Variants in CHMP2B observed in about 807,000 individuals in gnomAD.
CHMP2B encodes VPS2 homolog B.
Under a neutral mutation model 29.8 loss-of-function variants are expected in CHMP2B, and 22 were observed. That is an observed-to-expected ratio of 0.74 (90% CI 0.53 to 1.05). CHMP2B has a LOEUF of 1.05. Ranked by LOEUF, CHMP2B falls within the 50% of genes least tolerant of loss-of-function variation. The pLI is 0.00. For synonymous variants in CHMP2B, 78 were observed against 75.8 expected (o/e 1.03, Z -0.15); for missense variants, 261 against 252.2 (o/e 1.03, Z -0.24).
intron 4 of CHMP2B, among the ~76,000 whole-genome samples, chr3:87,252,581 T>C (rs1220653846): frequency 1.3e-5 from 2 of 151,918 alleles, no homozygotes; most frequent in East Asian, 3.9e-4. Flanking sequence ...GTGATCTCCT[T>C]CTCTGAAACT....
At chr3:87,227,832 A>G (rs1004838809) in intron 1 of CHMP2B, among the ~76,000 whole-genome samples, 1 of 152,192 alleles carries the variant, frequency 6.6e-6, no homozygotes, top group Non-Finnish European at 1.5e-5. Context: ...CGAGGAGGCT[A>G]GCTGGCCCTT....
At chr3:87,231,951 A>G (rs756868070) in intron 1 of CHMP2B, among the ~76,000 whole-genome samples, 9 of 152,162 alleles carry the variant, frequency 5.9e-5, no homozygotes, top group Non-Finnish European at 1.3e-4. Context: ...TGTCTCTTCT[A>G]CATTCCATAT....
At chr3:87,230,075 G>A (rs929915051) in intron 1 of CHMP2B, among the ~76,000 whole-genome samples, 6 of 152,102 alleles carry the variant, frequency 3.9e-5, no homozygotes, top group African/African-American at 1.4e-4. Flanking sequence ...TATATATAGT[G>A]TGTTATGTTT....
At chr3:87,237,047 T>A (rs905392546) in intron 1 of CHMP2B, among the ~76,000 whole-genome samples, 4 of 152,154 alleles carry the variant, frequency 2.6e-5, no homozygotes, top group African/African-American at 4.8e-5. Context: ...TATCAGTCCA[T>A]TGGCTTTGAC....
At chr3:87,242,127 A>G (rs1706128813) in intron 2 of CHMP2B, among the ~76,000 whole-genome samples, 2 of 151,984 alleles carry the variant, frequency 1.3e-5, no homozygotes, top group South Asian at 2.1e-4. Flanking sequence ...TATTTTACCC[A>G]TTTTTTCATC....
intron 1 of CHMP2B, among the ~76,000 whole-genome samples, chr3:87,234,161 A>C (rs1028932349): frequency 4.6e-5 from 7 of 152,202 alleles, no homozygotes; most frequent in African/African-American, 1.7e-4. Flanking sequence ...TCAAATGTAC[A>C]AATTATATCT....
chr3:87,244,234 A>C (rs1351087390), intron 2 of CHMP2B, among the ~76,000 whole-genome samples: 1 of 150,870 alleles, frequency 6.6e-6, no homozygotes, highest in Admixed American at 6.6e-5. Flanking sequence ...TTTAGTAGAG[A>C]GGGGTTTCAC....
intron 1 of CHMP2B, among the ~76,000 whole-genome samples, chr3:87,229,438 CATACTTGATGT>C (rs71128191): frequency 0.49 from 73,498 of 151,532 alleles, 18,039 homozygotes; most frequent in African/African-American, 0.53. Flanking sequence ...TACCAAGATG[CATACTTGATGT>C]TTTCTTATAT....
In CHMP2B at chr3:87,238,584, T is replaced by C. The variant is rs79383937; in HGVS notation, c.35-2115T>C. ...ACCCTTTCTATCTGGCATCTTCGCT[T>C]ACCATAATGTTTTTGAGGTTCACGC... On this transcript the variant is annotated intron_variant, in intron 1 of 5. Coordinates refer to ENST00000263780, the MANE Select transcript of CHMP2B (RefSeq NM_014043.4). 7.2e-3 allele frequency among the ~76,000 whole-genome samples: 1,094 copies of C among 152,342 alleles called. 5 individuals are homozygous for C. The highest frequency in any genetic ancestry group is 0.01 in the Middle Eastern group (3 of 294).
intron 4 of CHMP2B, 56 bp downstream of exon 4, chr3:87,250,033 T>C: frequency 9.7e-7 from 1 of 1,035,886 alleles, no homozygotes; most frequent in Non-Finnish European, 1.5e-6. Context: ...GAATTAGCCA[T>C]TTATTTACTA....
intron 1 of CHMP2B, among the ~76,000 whole-genome samples, chr3:87,239,148 A>T (rs1706069335): frequency 6.6e-6 from 1 of 151,952 alleles, no homozygotes; most frequent in African/African-American, 2.4e-5. Context: ...AGTTATAAGA[A>T]TTTTTTATAT....
At chr3:87,236,748 G>A (rs910944078) in intron 1 of CHMP2B, among the ~76,000 whole-genome samples, 2 of 151,822 alleles carry the variant, frequency 1.3e-5, no homozygotes, top group Non-Finnish European at 2.9e-5. Flanking sequence ...TGTAATCTCA[G>A]CTACTTGGGA....
intron 1 of CHMP2B, among the ~76,000 whole-genome samples, chr3:87,235,824 G>T (rs1187464987): frequency 6.6e-6 from 1 of 152,194 alleles, no homozygotes; most frequent in Non-Finnish European, 1.5e-5. Flanking sequence ...CCCTACTTCA[G>T]ATGCCACTTG....
chr3:87,243,842 C>A lies in CHMP2B; in HGVS notation c.127-1872C>A, dbSNP rs1004352222. Among the ~76,000 whole-genome samples the A allele has an allele frequency of 4.0e-5, 6 of 151,680 alleles. No individual in the cohort carries two copies. The East Asian group carries it at 5.8e-4, about 15-fold the overall frequency. The stretch of plus-strand genomic sequence containing the variant: ...AAGAAGTGATGCCCTTCTTTGCATT[C>A]TCGGTATTTGTAACTGTGTTCTCTC... On this transcript the variant is annotated intron_variant, in intron 2 of 5. Transcript: ENST00000263780.
At chr3:87,240,825 A>G in intron 2 of CHMP2B, 35 bp downstream of exon 2, 1 of 1,540,062 alleles carries the variant, frequency 6.5e-7, no homozygotes, top group Non-Finnish European at 9.0e-7. Flanking sequence ...TTAACTTTTC[A>G]AACAAATTTG....
In CHMP2B at chr3:87,237,665, T is replaced by C. The variant is rs1706040126; in HGVS notation, c.35-3034T>C. 2.6e-5 allele frequency among the ~76,000 whole-genome samples: 4 copies of C among 152,216 alleles called. No individual in the cohort carries two copies. In the South Asian group the frequency reaches 6.2e-4, roughly 24 times the overall value. ...AATACGTTTGGTCAATAATCTATGATAGGTTCTTCATTTAAGGATTGACAA... is the reference window on the plus strand; with the variant it reads ...AATACGTTTGGTCAATAATCTATGACAGGTTCTTCATTTAAGGATTGACAA... On this transcript the variant is annotated intron_variant, in intron 1 of 5. Coordinates refer to ENST00000263780, the MANE Select transcript of CHMP2B (RefSeq NM_014043.4).
At chr3:87,238,069 A>G (rs1395363907) in intron 1 of CHMP2B, among the ~76,000 whole-genome samples, 1 of 152,232 alleles carries the variant, frequency 6.6e-6, no homozygotes, top group East Asian at 1.9e-4. Context: ...GAGCTTTGAC[A>G]TCTTATTTTA....
chr3:87,236,738 T>C, intron 1 of CHMP2B, among the ~76,000 whole-genome samples: 1 of 151,740 alleles, frequency 6.6e-6, no homozygotes, highest in Non-Finnish European at 1.5e-5. Context: ...GGCGCATGCC[T>C]GTAATCTCAG....
chr3:87,249,162 G>GT (rs1672858837), intron 3 of CHMP2B, among the ~76,000 whole-genome samples: 2 of 152,206 alleles, frequency 1.3e-5, no homozygotes, highest in African/African-American at 4.8e-5. Context: ...TAACATAATG[G>GT]TTTAAGTACC....
Sources: allele counts gnomAD v4.1 joint callset (sites outside exome capture counted in the v4.1 genomes callset), GRCh38; gene constraint gnomAD v4.1.1; transcripts MANE v1.5; gene names NCBI Gene and HGNC (gene_info 2026-07-23, HGNC 2026-07-21).